SMC3: variants seen among roughly 807,000 people sequenced by gnomAD.
SMC3 encodes the protein structural maintenance of chromosomes protein 3.
SMC3 carries 20 observed loss-of-function variants against 171.8 expected under a neutral mutation model. The observed-to-expected ratio is 0.12, with a 90% confidence interval of 0.08 to 0.17. SMC3 has a LOEUF of 0.17. SMC3 is among the 10% of genes least tolerant of loss of function. The probability of loss-of-function intolerance (pLI) is 1.00; values close to 1 mark genes in which losing one functional copy is unlikely to be tolerated. For synonymous variants in SMC3, 464 were observed against 451.1 expected (o/e 1.03, Z -0.36); for missense variants, 543 against 1,420.4 (o/e 0.38, Z 9.93).
chr10:110,590,374 ATAT>A (rs747211622), intron 15 of SMC3, 35 bp from the exon 16 acceptor site: 48 of 1,556,840 alleles, frequency 3.1e-5, no homozygotes, highest in Middle Eastern at 1.7e-4. Flanking sequence ...GCCATTGATG[ATAT>A]TATTTTAATA....
chr10:110,575,677 T>C (rs535174258), intron 4 of SMC3, among the ~76,000 whole-genome samples: 1 of 152,352 alleles, frequency 6.6e-6, no homozygotes, highest in East Asian at 1.9e-4. Context: ...AGACATGATA[T>C]ATATCATAAG....
chr10:110,578,097 G>A (rs1468358558), intron 6 of SMC3, among the ~76,000 whole-genome samples, 183 bp downstream of exon 6: 2 of 150,966 alleles, frequency 1.3e-5, no homozygotes, highest in East Asian at 2.0e-4. Flanking sequence ...TTCTCAATAC[G>A]GAGTCTTGCT....
At chr10:110,587,583 G>A (rs1444730077) in intron 13 of SMC3, among the ~76,000 whole-genome samples, 1 of 152,064 alleles carries the variant, frequency 6.6e-6, no homozygotes, top group Non-Finnish European at 1.5e-5. Flanking sequence ...CTACTCGGGG[G>A]GCTGAGGCAG....
Position 110,588,291 on chromosome 10 carries a change from A to G in SMC3, c.1306-1314A>G, listed in dbSNP as rs538931797. Among the ~76,000 whole-genome samples, 172 of 152,220 alleles carry G rather than the reference A, an allele frequency of 1.1e-3. 2 individuals carry two copies. Among genetic ancestry groups the G allele is most frequent in the African/African-American group, 3.6e-3 (149 of 41,562 alleles). ...AGGTGTGAGCCACCGCGCCCGGCCA[A>G]TCTAAGATTTTGTGACTCAGTAGTA... On this transcript the variant is annotated intron_variant, in intron 13 of 28. Transcript: ENST00000361804.
At chr10:110,581,234 T>TTA (rs1373954536) in intron 8 of SMC3, among the ~76,000 whole-genome samples, 4 of 150,378 alleles carry the variant, frequency 2.7e-5, no homozygotes, top group African/African-American at 9.8e-5. Context: ...TTTTTTTTTT[T>TTA]TGAGATGGAG....
Position 110,604,275 on chromosome 10 carries a change from T to C in SMC3, c.3627T>C (p.Phe1209=), listed in dbSNP as rs1861434604. ...DVITAEMAKD[F]VEDDTTHG ...TCACAGCAGAGATGGCCAAAGACTT[T>C]GTAGAAGATGATACCACACATGGTT... The change falls in exon 29 of 29, where the codon TTT becomes TTC. Residue 1209 remains phenylalanine (F), a synonymous_variant. Transcript: ENST00000361804. 1.9e-6 allele frequency: 3 copies of C among 1,610,556 alleles called. No individual in the cohort carries two copies. The highest frequency in any genetic ancestry group is 1.7e-6 in the Non-Finnish European group (2 of 1,178,632).
Position 110,599,600 on chromosome 10 carries a change from CTA to C in SMC3, c.2269-51_2269-50del, listed in dbSNP as rs560700059. ...AATATAGATTGTTTTAAAATTTTCACTATAAGTAATACAGTGGCTAATACCTT... is the reference window on the plus strand; with the variant it reads ...AATATAGATTGTTTTAAAATTTTCACTAAGTAATACAGTGGCTAATACCTT... On this transcript the variant is annotated intron_variant, in intron 20 of 28. Transcript: ENST00000361804. The C allele has an allele frequency of 6.5e-3, 9,705 of 1,503,630 alleles. 47 individuals are homozygous for C. Among genetic ancestry groups the C allele is most frequent in the Non-Finnish European group, 8.3e-3 (9,124 of 1,100,754 alleles). The allele number at this position is 1,503,630 out of a possible 1,614,324, so 93.1% of individuals were successfully genotyped here.
intron 4 of SMC3, 23 bp from the exon 5 acceptor site, chr10:110,577,398 T>C: frequency 6.3e-7 from 1 of 1,577,954 alleles, no homozygotes; most frequent in Non-Finnish European, 8.7e-7. Context: ...AAATGGCAAA[T>C]TTCTCACTTC....
rs1379296502 is a variant in SMC3 at position 110,580,996 on chromosome 10, A to G, written c.522A>G (p.Glu174=). ...GTRVYDERKE[E]SISLMKETEG... The stretch of plus-strand genomic sequence containing the variant: ...GAGTGTATGACGAACGAAAGGAAGA[A>G]AGCATCTCCTTAATGAAAGAAACAG... Residue 174 remains glutamate (E), a synonymous_variant, in exon 8 of 29, where the codon GAA becomes GAG. Transcript: ENST00000361804. 1 of 1,583,628 alleles carries G rather than the reference A, an allele frequency of 6.3e-7. No individual in the cohort carries two copies. Among genetic ancestry groups the G allele is most frequent in the Non-Finnish European group, 8.7e-7 (1 of 1,152,314 alleles).
At position 110,577,471 on chromosome 10, in the gene SMC3, T is replaced by C; in HGVS notation, c.249T>C (p.Asp83=). The change falls in exon 5 of 29, where the codon GAT becomes GAC. Residue 83 remains aspartate (D), a synonymous_variant. Transcript: ENST00000361804. ...VISAFVEIIF[D]NSDNRLPIDK... is the part of the protein sequence containing the mutation. ...CTGCTTTTGTGGAGATTATTTTTGATAATTCAGACAACCGGTTACCAGTAA... is the reference window on the plus strand; with the variant it reads ...CTGCTTTTGTGGAGATTATTTTTGACAATTCAGACAACCGGTTACCAGTAA... 6.2e-7 allele frequency: 1 copy of C among 1,612,224 alleles called. No individual in the cohort carries two copies. Among genetic ancestry groups the C allele is most frequent in the Non-Finnish European group, 8.5e-7 (1 of 1,178,490 alleles).
At chr10:110,596,733 A>G (rs1262522495) in intron 19 of SMC3, among the ~76,000 whole-genome samples, 183 bp downstream of exon 19, 1 of 152,206 alleles carries the variant, frequency 6.6e-6, no homozygotes, top group African/African-American at 2.4e-5. Flanking sequence ...TTAAGTGTTA[A>G]GTAGCTAATA....
rs745865113 is a variant in SMC3 at position 110,590,562 on chromosome 10, G to T, written c.1660G>T (p.Ala554Ser). ...TTTCTACACATGCGTGGAAGTCACT[G>T]CTGGAAACAGGTTAAAGCTTTTGCT... The part of the protein sequence containing the change: ...PAFYTCVEVT[A>S]GNRLFYHIVD... Residue 554 changes from alanine to serine, a missense_variant, in exon 16 of 29, where the codon GCT becomes TCT. Ala to Ser is a moderately conservative substitution (Grantham distance 99). Coordinates refer to ENST00000361804, the MANE Select transcript of SMC3 (RefSeq NM_005445.4). The T allele has an allele frequency of 6.2e-7, 1 of 1,614,050 alleles. No homozygotes were observed. Among genetic ancestry groups the T allele is most frequent in the Non-Finnish European group, 8.5e-7 (1 of 1,179,920 alleles).
chr10:110,587,308 G>T (rs546431129), intron 13 of SMC3, among the ~76,000 whole-genome samples: 3 of 152,278 alleles, frequency 2.0e-5, no homozygotes, highest in African/African-American at 7.2e-5. Flanking sequence ...TACTGGTTCT[G>T]AGTAGCATCA....
intron 20 of SMC3, among the ~76,000 whole-genome samples, chr10:110,598,601 TCA>T: frequency 6.6e-6 from 1 of 152,128 alleles, no homozygotes; most frequent in East Asian, 1.9e-4. Flanking sequence ...ACATGGGGTT[TCA>T]CCATGTTGTC....
intron 20 of SMC3, among the ~76,000 whole-genome samples, chr10:110,599,411 A>G (rs966035065): frequency 2.0e-5 from 3 of 152,138 alleles, no homozygotes; most frequent in Non-Finnish European, 4.4e-5. Context: ...TGTTCTTATA[A>G]TATGCCTGAA....
In SMC3 at chr10:110,602,514, C is replaced by A; in HGVS notation, c.3146C>A (p.Pro1049His). 1 of 1,613,380 alleles carries A rather than the reference C, an allele frequency of 6.2e-7. No homozygotes were observed. The change falls in exon 26 of 29, where the codon CCT becomes CAT. Residue 1049 changes from proline (P) to histidine (H), a missense_variant. Pro to His is a moderately conservative substitution (Grantham distance 77). Transcript: ENST00000361804. Reference sequence around the variant, plus strand: ...AGTGAAGTATTCCAGAAGTTAGTACCTGGTGGCAAAGCTACTTTGGTGATG... The same window carrying A: ...AGTGAAGTATTCCAGAAGTTAGTACATGGTGGCAAAGCTACTTTGGTGATG... ...NFSEVFQKLVPGGKATLVMKK... is the reference protein window; with the variant it reads ...NFSEVFQKLVHGGKATLVMKK...
intron 17 of SMC3, among the ~76,000 whole-genome samples, chr10:110,591,785 A>G (rs1038172801): frequency 3.9e-5 from 6 of 152,174 alleles, no homozygotes; most frequent in Admixed American, 1.3e-4. Context: ...AGAATGATCA[A>G]TAATTTAAGT....
intron 7 of SMC3, among the ~76,000 whole-genome samples, chr10:110,579,840 G>C (rs1046820035): frequency 6.6e-6 from 1 of 152,174 alleles, no homozygotes; most frequent in South Asian, 2.1e-4. Flanking sequence ...TATTTTCGTA[G>C]AGATAATTTC....
At position 110,582,050 on chromosome 10, in the gene SMC3, T is replaced by C; in HGVS notation, c.675T>C (p.Tyr225=). The C allele has an allele frequency of 1.2e-6, 2 of 1,613,840 alleles. No individual in the cohort carries two copies. The highest frequency in any genetic ancestry group is 1.7e-6 in the Non-Finnish European group (2 of 1,179,840). Residue 225 remains tyrosine, a synonymous_variant, in exon 9 of 29, where the codon TAT becomes TAC. Coordinates refer to ENST00000361804, the MANE Select transcript of SMC3 (RefSeq NM_005445.4). ...ATAAAATGAGACGAGCCCTGGAATA[T>C]ACCATTTACAATCAGGAACTTAACG... ...KWDKMRRALE[Y]TIYNQELNET...
Sources: allele counts gnomAD v4.1 joint callset (sites outside exome capture counted in the v4.1 genomes callset), GRCh38; gene constraint gnomAD v4.1.1; transcripts MANE v1.5; gene names NCBI Gene and HGNC (gene_info 2026-07-23, HGNC 2026-07-21).